ROR1: variants seen among roughly 807,000 people sequenced by gnomAD.
The protein encoded by ROR1 is ROR family WNT receptor 1.
ROR1 carries 19 observed loss-of-function variants against 78.8 expected under a neutral mutation model. The observed-to-expected ratio is 0.24, with a 90% CI of 0.17 to 0.35. The LOEUF is 0.35. Ranked by LOEUF, ROR1 falls within the 10% of genes least tolerant of loss-of-function variation. ROR1 has a pLI of 1.00. For missense variants in ROR1, 917 were observed against 1,177.8 expected (o/e 0.78, Z 3.24); for synonymous variants, 386 against 433.6 (o/e 0.89, Z 1.36).
intron 1 of ROR1, among the ~76,000 whole-genome samples, chr1:63,993,090 C>T (rs145049900): frequency 6.6e-6 from 1 of 152,132 alleles, no homozygotes; most frequent in African/African-American, 2.4e-5. Flanking sequence ...GTTTACAGTT[C>T]CCCAAATTAG....
intron 1 of ROR1, among the ~76,000 whole-genome samples, chr1:63,824,993 C>A (rs974412102): frequency 6.6e-6 from 1 of 151,894 alleles, no homozygotes; most frequent in African/African-American, 2.4e-5. Flanking sequence ...CACTACATAC[C>A]CACAGAATGG....
Position 64,024,500 on chromosome 1 carries a change from C to T in ROR1, c.163+15124C>T, listed in dbSNP as rs1437767716. 2.0e-5 allele frequency among the ~76,000 whole-genome samples: 3 copies of T among 151,252 alleles called. No individual in the cohort carries two copies. The East Asian group carries it at 5.8e-4, about 29-fold the overall frequency. On this transcript the variant is annotated intron_variant, in intron 2 of 8. Coordinates refer to ENST00000371079, the MANE Select transcript of ROR1 (RefSeq NM_005012.4). ...CATCTCAAAAACAAAAAACAAAAAA[C>T]AAAAAAAACAAAAACAAATGTGTTC...
At chr1:63,854,144 C>T (rs1305786354) in intron 1 of ROR1, among the ~76,000 whole-genome samples, 1 of 152,188 alleles carries the variant, frequency 6.6e-6, no homozygotes, top group Admixed American at 6.5e-5. Flanking sequence ...ATGGAAATAT[C>T]AGATCACCAA....
intron 1 of ROR1, among the ~76,000 whole-genome samples, chr1:63,879,674 G>A (rs766659816): frequency 2.1e-4 from 32 of 152,114 alleles, no homozygotes; most frequent in African/African-American, 2.4e-5. Context: ...GTGAAGAGAT[G>A]TTTAGCTGTT....
chr1:63,950,644 A>C (rs1016592979), intron 1 of ROR1, among the ~76,000 whole-genome samples: 4 of 152,302 alleles, frequency 2.6e-5, no homozygotes, highest in African/African-American at 9.6e-5. Context: ...TTTCAGCCTC[A>C]TTTTACCCAA....
At chr1:64,129,560 T>G (rs1648839660) in intron 4 of ROR1, among the ~76,000 whole-genome samples, 1 of 152,188 alleles carries the variant, frequency 6.6e-6, no homozygotes, top group South Asian at 2.1e-4. Flanking sequence ...CATTTCCAGC[T>G]TCAGCCTAAC....
At chr1:63,848,332 C>G (rs1645094226) in intron 1 of ROR1, among the ~76,000 whole-genome samples, 1 of 152,118 alleles carries the variant, frequency 6.6e-6, no homozygotes, top group Non-Finnish European at 1.5e-5. Flanking sequence ...GTGTGGAGAG[C>G]AGACCAAGTG....
At chr1:63,808,731 A>G (rs1329016668) in intron 1 of ROR1, among the ~76,000 whole-genome samples, 3 of 152,142 alleles carry the variant, frequency 2.0e-5, no homozygotes, top group African/African-American at 7.2e-5. Flanking sequence ...TTTATTTTCC[A>G]GTCACTGTAG....
At chr1:63,959,675 G>A (rs1248436483) in intron 1 of ROR1, among the ~76,000 whole-genome samples, 2 of 152,144 alleles carry the variant, frequency 1.3e-5, no homozygotes, top group African/African-American at 4.8e-5. Context: ...CATCTTTGCT[G>A]GGCACAGTTA....
At chr1:63,960,875 A>G (rs1646021888) in intron 1 of ROR1, among the ~76,000 whole-genome samples, 1 of 152,218 alleles carries the variant, frequency 6.6e-6, no homozygotes, top group Non-Finnish European at 1.5e-5. Flanking sequence ...GAGTAAGTGT[A>G]GAAGTGGTAT....
At chr1:64,163,236 C>G (rs1484326410) in intron 8 of ROR1, among the ~76,000 whole-genome samples, 6 of 145,178 alleles carry the variant, frequency 4.1e-5, no homozygotes, top group Admixed American at 2.0e-4. Flanking sequence ...CACACACACA[C>G]ACACACACAC....
chr1:64,162,291 C>T (rs1649967789), intron 8 of ROR1, among the ~76,000 whole-genome samples: 1 of 152,160 alleles, frequency 6.6e-6, no homozygotes, highest in African/African-American at 2.4e-5. Flanking sequence ...CGCTAAAATT[C>T]TCCTGAGTGT....
chr1:63,965,631 G>A (rs1315742849), intron 1 of ROR1, among the ~76,000 whole-genome samples: 4 of 152,060 alleles, frequency 2.6e-5, no homozygotes, highest in African/African-American at 7.2e-5. Flanking sequence ...TGTTGCCTCC[G>A]AGAATTGAAA....
chr1:63,923,482 C>G (rs1394589897), intron 1 of ROR1, among the ~76,000 whole-genome samples: 1 of 151,970 alleles, frequency 6.6e-6, no homozygotes, highest in African/African-American at 2.4e-5. Flanking sequence ...TTACTTTCTT[C>G]TGGATTACAT....
intron 1 of ROR1, among the ~76,000 whole-genome samples, chr1:63,925,841 G>A (rs1038355471): frequency 1.8e-4 from 28 of 151,596 alleles, no homozygotes; most frequent in South Asian, 2.1e-4. Flanking sequence ...CATGTCCATC[G>A]CCCACTTTTT....
chr1:64,048,863 A>C (rs986916186), intron 2 of ROR1, among the ~76,000 whole-genome samples: 1 of 151,894 alleles, frequency 6.6e-6, no homozygotes, highest in African/African-American at 2.4e-5. Flanking sequence ...AGTTGCTTCA[A>C]GGTGGGGTGG....
At chr1:63,801,732 G>T (rs1042248445) in intron 1 of ROR1, among the ~76,000 whole-genome samples, 1 of 152,192 alleles carries the variant, frequency 6.6e-6, no homozygotes, top group Non-Finnish European at 1.5e-5. Context: ...AAAAAGGTTA[G>T]TTAAAATAGG....
At chr1:63,963,677 A>G (rs78787847) in intron 1 of ROR1, among the ~76,000 whole-genome samples, 1,734 of 152,270 alleles carry the variant, frequency 0.011, 60 homozygotes, top group East Asian at 0.093. Context: ...GAAAAGCTAC[A>G]TTTCCCAGGC....
intron 1 of ROR1, among the ~76,000 whole-genome samples, chr1:63,937,390 C>G (rs1436275459): frequency 6.6e-6 from 1 of 152,174 alleles, no homozygotes; most frequent in African/African-American, 2.4e-5. Context: ...TTTCAGGTAC[C>G]AACACTGCAA....
Sources: allele counts gnomAD v4.1 joint callset (sites outside exome capture counted in the v4.1 genomes callset), GRCh38; gene constraint gnomAD v4.1.1; transcripts MANE v1.5; gene names NCBI Gene and HGNC (gene_info 2026-07-23, HGNC 2026-07-21).